Variants in EPN1 observed in about 807,000 individuals in gnomAD.
EPN1 encodes the protein epsin-1.
EPN1 carries 25 observed loss-of-function variants against 56.9 expected under a neutral mutation model. The ratio of observed to expected loss-of-function variants is 0.44; its 90% CI spans 0.32 to 0.61. The LOEUF (loss-of-function observed/expected upper bound fraction) is 0.61. EPN1 is among the 20% of genes least tolerant of loss of function. EPN1 has a pLI of 0.05. For missense variants in EPN1, 785 were observed against 823.7 expected (o/e 0.95, Z 0.58); for synonymous variants, 411 against 361.8 (o/e 1.14, Z -1.54).
Position 55,691,743 on chromosome 19 carries a change from C to G in EPN1, c.763-11C>G, listed in dbSNP as rs1413327926. On this transcript the variant is annotated splice_polypyrimidine_tract_variant and intron_variant, in intron 6 of 10. Coordinates refer to ENST00000270460, the MANE Select transcript of EPN1 (RefSeq NM_001130072.2). The surrounding 1 kb of genome is among the most constrained non-coding windows in gnomAD (Gnocchi z 5.6). ...CTTCTTCATGCTCCTTCTCTTCTCT[C>G]TCCCCCACAGTCGTCCCTCATGGAC... The G allele has an allele frequency of 6.2e-7, 1 of 1,607,664 alleles. No homozygotes were observed. The highest frequency in any genetic ancestry group is 8.5e-7 in the Non-Finnish European group (1 of 1,176,806).
intron 1 of EPN1, chr19:55,677,145 C>T: frequency 6.4e-7 from 1 of 1,551,466 alleles, no homozygotes; most frequent in Non-Finnish European, 8.7e-7. Flanking sequence ...TGAAAATCTC[C>T]CTCTGTGGCT....
At chr19:55,686,394 G>A (rs980965671) in intron 3 of EPN1, among the ~76,000 whole-genome samples, 6 of 152,206 alleles carry the variant, frequency 3.9e-5, no homozygotes, top group Admixed American at 3.3e-4. Flanking sequence ...TCTCCAGGAA[G>A]AGTGGAGGTG....
At position 55,706,280 on chromosome 19, in the gene EPN1, C is replaced by CTTTTTTTTTTTTTTTTTTTTTTTTTTT. The variant is rs1323034565; in HGVS notation, c.*10926_*10927insTTTTTTTTTTTTTTTTTTTTTTTTTTT. ...TTTCTTCCTTTCTTCTCTTTTTCTT[C>CTTTTTTTTTTTTTTTTTTTTTTTTTTT]TTCTTTTTTTTTTTTTTTTAAAAGA... On this transcript the variant is annotated 3_prime_UTR_variant, in exon 11 of 11. Coordinates refer to ENST00000270460, the MANE Select transcript of EPN1 (RefSeq NM_001130072.2). The CTTTTTTTTTTTTTTTTTTTTTTTTTTT allele has an allele frequency of 7.7e-6, 1 of 129,302 alleles. No homozygotes were observed. Among genetic ancestry groups the CTTTTTTTTTTTTTTTTTTTTTTTTTTT allele is most frequent in the Admixed American group, 8.3e-5 (1 of 12,008 alleles). 8.0% of individuals were successfully genotyped at this position (129,302 alleles called of 1,614,324 possible). A position where few individuals can be genotyped will look rare whatever the true frequency, so the allele number is the denominator to read the frequency against.
rs892028138 is a variant in EPN1, at chr19:55,707,593, A to G, written c.*12237A>G. The stretch of plus-strand genomic sequence containing the variant: ...ACCCTCCCCATGTCTTTTCAGAACA[A>G]TGTCCTAAGAACCATAGGGGAAGTG... On this transcript the variant is annotated 3_prime_UTR_variant, in exon 11 of 11. Coordinates refer to ENST00000270460, the MANE Select transcript of EPN1 (RefSeq NM_001130072.2). 1 of 154,468 alleles carries G rather than the reference A, an allele frequency of 6.5e-6. No homozygotes were observed. The highest frequency in any genetic ancestry group is 2.0e-4 in the South Asian group (1 of 4,922). The allele number at this position is 154,468 out of a possible 1,614,324, so 9.6% of individuals were successfully genotyped here.
In EPN1 at chr19:55,694,663, G is replaced by A; in HGVS notation, c.1265-63G>A. On this transcript the variant is annotated intron_variant, in intron 9 of 10. Transcript: ENST00000270460. This position sits in a 1 kb window ranked among gnomAD's most constrained non-coding sequence, Gnocchi z 4.2. ...AGCGCCCCCTATGATGGCCTATACT[G>A]CTCCCGGGTTGGAGCCTCACTGCTG... 9 of 1,504,890 alleles carry A rather than the reference G, an allele frequency of 6.0e-6. No homozygotes were observed. In the South Asian group the frequency reaches 9.6e-5, roughly 16 times the overall value. 93.2% of individuals were successfully genotyped at this position (1,504,890 alleles called of 1,614,324 possible). A position where few individuals can be genotyped will look rare whatever the true frequency, so the allele number is the denominator to read the frequency against.
intron 6 of EPN1, 51 bp downstream of exon 6, chr19:55,690,001 C>T (rs2122203859): frequency 6.7e-7 from 1 of 1,499,256 alleles, no homozygotes; most frequent in South Asian, 1.3e-5. Flanking sequence ...GTCCGTCCGT[C>T]CCATCGCTCA....
Position 55,705,808 on chromosome 19 carries a change from G to T in EPN1, c.*10452G>T, listed in dbSNP as rs1021534480. The T allele has an allele frequency of 9.7e-6, 1 of 103,134 alleles. No individual in the cohort carries two copies. Among genetic ancestry groups the T allele is most frequent in the African/African-American group, 4.6e-5 (1 of 21,920 alleles). 6.4% of individuals were successfully genotyped at this position (103,134 alleles called of 1,614,324 possible). ...GTGGCTGGAATATTTGTTGTTGTGG[G>T]ATATATATATATATATATATTTAGA... is the stretch of plus-strand genomic sequence containing the variant. On this transcript the variant is annotated 3_prime_UTR_variant, in exon 11 of 11. Coordinates refer to ENST00000270460, the MANE Select transcript of EPN1 (RefSeq NM_001130072.2).
chr19:55,682,374 C>G (rs1985873305), intron 2 of EPN1, among the ~76,000 whole-genome samples: 1 of 152,126 alleles, frequency 6.6e-6, no homozygotes, highest in African/African-American at 2.4e-5. Flanking sequence ...GCTTCTTTTG[C>G]TCACCATCAC....
Position 55,706,306 on chromosome 19 carries a change from C to G in EPN1, c.*10950C>G, listed in dbSNP as rs1987414839. On this transcript the variant is annotated 3_prime_UTR_variant, in exon 11 of 11. Coordinates refer to ENST00000270460, the MANE Select transcript of EPN1 (RefSeq NM_001130072.2). ...TTCTTTTTTTTTTTTTTTTAAAAGA[C>G]CGTGTTTCGCTCTGTCACCCAGGCT... 1 of 102,028 alleles carries G rather than the reference C, an allele frequency of 9.8e-6. No individual in the cohort carries two copies. Among genetic ancestry groups the G allele is most frequent in the African/African-American group, 5.4e-5 (1 of 18,472 alleles). 6.3% of individuals were successfully genotyped at this position (102,028 alleles called of 1,614,324 possible). A position where few individuals can be genotyped will look rare whatever the true frequency, so the allele number is the denominator to read the frequency against.
chr19:55,706,280 C>CTTTTTTTTTTTTTTTTTTTTTTTTTTTTT lies in EPN1; in HGVS notation c.*10926_*10927insTTTTTTTTTTTTTTTTTTTTTTTTTTTTT, dbSNP rs1323034565. ...TTTCTTCCTTTCTTCTCTTTTTCTTCTTCTTTTTTTTTTTTTTTTAAAAGA... is the reference window on the plus strand; with the variant it reads ...TTTCTTCCTTTCTTCTCTTTTTCTTCTTTTTTTTTTTTTTTTTTTTTTTTTTTTTTTCTTTTTTTTTTTTTTTTAAAAGA... On this transcript the variant is annotated 3_prime_UTR_variant, in exon 11 of 11. Transcript: ENST00000270460. 1 of 129,302 alleles carries CTTTTTTTTTTTTTTTTTTTTTTTTTTTTT rather than the reference C, an allele frequency of 7.7e-6. No individual in the cohort carries two copies. Among genetic ancestry groups the CTTTTTTTTTTTTTTTTTTTTTTTTTTTTT allele is most frequent in the African/African-American group, 3.2e-5 (1 of 31,642 alleles). 8.0% of individuals were successfully genotyped at this position (129,302 alleles called of 1,614,324 possible). A position where few individuals can be genotyped will look rare whatever the true frequency, so the allele number is the denominator to read the frequency against.
At position 55,705,355 on chromosome 19, in the gene EPN1, C is replaced by G. The variant is rs946907941; in HGVS notation, c.*9999C>G. ...TCTCAGAACGATACAGAATCCAGAG[C>G]CACTACAACACATTTCATGAAGTGG... On this transcript the variant is annotated 3_prime_UTR_variant, in exon 11 of 11. Transcript: ENST00000270460. 4 of 152,170 alleles carry G rather than the reference C, an allele frequency of 2.6e-5. No individual in the cohort carries two copies. Among genetic ancestry groups the G allele is most frequent in the African/African-American group, 9.7e-5 (4 of 41,440 alleles). The allele number at this position is 152,170 out of a possible 1,614,324, so 9.4% of individuals were successfully genotyped here.
intron 3 of EPN1, among the ~76,000 whole-genome samples, chr19:55,688,429 C>A (rs1268407211): frequency 2.6e-5 from 4 of 152,116 alleles, no homozygotes; most frequent in Non-Finnish European, 5.9e-5. Context: ...TGCTGTTCTC[C>A]CCTCTGAATT....
intron 6 of EPN1, among the ~76,000 whole-genome samples, chr19:55,690,998 C>T (rs550274195): frequency 6.6e-6 from 1 of 152,208 alleles, no homozygotes; most frequent in East Asian, 1.9e-4. Flanking sequence ...CCTTCCCATC[C>T]CCGCCGGGGC....
At position 55,692,907 on chromosome 19, in the gene EPN1, C is replaced by T. The variant is rs781599720; in HGVS notation, c.1178-44C>T. ...CCTGGACTGGAGGTGGGGGCTGAGG[C>T]GGGGCCCCAGGGAGGGGCTGAGCAG... On this transcript the variant is annotated intron_variant, in intron 8 of 10. Coordinates refer to ENST00000270460, the MANE Select transcript of EPN1 (RefSeq NM_001130072.2). The T allele has an allele frequency of 1.9e-4, 301 of 1,605,648 alleles. 1 individual carries two copies. The Admixed American group carries it at 3.4e-3, about 18-fold the overall frequency.
intron 2 of EPN1, among the ~76,000 whole-genome samples, chr19:55,685,049 C>T (rs901836620): frequency 2.0e-5 from 3 of 152,248 alleles, no homozygotes; most frequent in Non-Finnish European, 2.9e-5. Context: ...GGTCCCTCTC[C>T]ATCCCTCCCT....
chr19:55,684,419 C>T (rs1426554107), intron 2 of EPN1, among the ~76,000 whole-genome samples: 1 of 152,170 alleles, frequency 6.6e-6, no homozygotes, highest in Non-Finnish European at 1.5e-5. Flanking sequence ...AAGCCCAGGA[C>T]TTGAGCCTGA....
Position 55,691,871 on chromosome 19 carries a change from G to T in EPN1, c.880G>T (p.Asp294Tyr). 1 of 1,603,154 alleles carries T rather than the reference G, an allele frequency of 6.2e-7. No homozygotes were observed. Among genetic ancestry groups the T allele is most frequent in the Non-Finnish European group, 8.5e-7 (1 of 1,174,276 alleles). The change falls in exon 7 of 11, where the codon GAC becomes TAC. Residue 294 changes from aspartate (D) to tyrosine (Y), a missense_variant. This residue lies in a region of EPN1 where 650 missense variants were observed against 605.0 expected (regional missense o/e 1.07). Coordinates refer to ENST00000270460, the MANE Select transcript of EPN1 (RefSeq NM_001130072.2). This position sits in a 1 kb window ranked among gnomAD's most constrained non-coding sequence, Gnocchi z 5.6. Reference sequence around the variant, plus strand: ...CGTCCCCACGGCTGCCCCCACCTCGGACCCCTGGGGCGGCCCCCCTGTCCC... The same window carrying T: ...CGTCCCCACGGCTGCCCCCACCTCGTACCCCTGGGGCGGCCCCCCTGTCCC... ...AAVPTAAPTS[D>Y]PWGGPPVPPA...
rs1042864680 is a variant in EPN1 at position 55,706,112 on chromosome 19, C to G, written c.*10756C>G. The stretch of plus-strand genomic sequence containing the variant: ...AGTTTTTCCAGATTCTCTGCATGTG[C>G]AGGTTTATGAGACTGGAGAACTTTG... On this transcript the variant is annotated 3_prime_UTR_variant, in exon 11 of 11. Transcript: ENST00000270460. The G allele has an allele frequency of 4.1e-5, 10 of 243,914 alleles. No homozygotes were observed. The highest frequency in any genetic ancestry group is 6.7e-5 in the Non-Finnish European group (8 of 119,844). The allele number at this position is 243,914 out of a possible 1,614,324, so 15.1% of individuals were successfully genotyped here.
Position 55,678,547 on chromosome 19 carries a change from C to A in EPN1, c.-81C>A, listed in dbSNP as rs1985590372. On this transcript the variant is annotated 5_prime_UTR_variant, in exon 2 of 11. It adds an upstream start codon to the 5' untranslated region. Coordinates refer to ENST00000270460, the MANE Select transcript of EPN1 (RefSeq NM_001130072.2). ...CGCAGATGCGGTGACCTGCCAGCAC[C>A]TGCCGCAGCCTTCGTCCGGGAGTCG... The A allele has an allele frequency of 1.3e-6, 2 of 1,546,236 alleles. No homozygotes were observed. The highest frequency in any genetic ancestry group is 1.7e-6 in the Non-Finnish European group (2 of 1,148,010).
Sources: allele counts gnomAD v4.1 joint callset (sites outside exome capture counted in the v4.1 genomes callset), GRCh38; gene constraint gnomAD v4.1.1; regional missense constraint gnomAD v4.1.1; non-coding constraint Gnocchi (gnomAD v3.1); transcripts MANE v1.5; gene names NCBI Gene and HGNC (gene_info 2026-07-23, HGNC 2026-07-21).